The following SSH2 variants were observed in gnomAD, a reference collection of about 807,000 sequenced individuals.
The protein encoded by SSH2 is protein phosphatase Slingshot homolog 2.
Under a neutral mutation model 135.2 loss-of-function variants are expected in SSH2, and 37 were observed. The ratio of observed to expected loss-of-function variants is 0.27; its 90% CI spans 0.21 to 0.36. The LOEUF (loss-of-function observed/expected upper bound fraction) is 0.36. Ranked by LOEUF, SSH2 falls within the 10% of genes least tolerant of loss-of-function variation. The pLI is 1.00. For missense variants in SSH2, 1,408 were observed against 1,765.3 expected (o/e 0.80, Z 3.63); for synonymous variants, 628 against 646.2 (o/e 0.97, Z 0.43).
intron 2 of SSH2, among the ~76,000 whole-genome samples, chr17:29,806,918 G>C (rs568709537): frequency 6.6e-6 from 1 of 152,210 alleles, no homozygotes; most frequent in South Asian, 2.1e-4. Context: ...CTGGCATCTG[G>C]GTTTAGCACC....
intron 14 of SSH2, among the ~76,000 whole-genome samples, chr17:29,638,509 T>TAC (rs71138839): frequency 0.032 from 4,107 of 128,876 alleles, 67 homozygotes; most frequent in Admixed American, 0.048. Flanking sequence ...TTCTATATTT[T>TAC]ACACACACAC....
At chr17:29,734,203 G>A (rs893216340) in intron 3 of SSH2, among the ~76,000 whole-genome samples, 2 of 152,278 alleles carry the variant, frequency 1.3e-5, no homozygotes, top group South Asian at 4.1e-4. Flanking sequence ...TTATAGGCAT[G>A]AGCCACCGCA....
chr17:29,857,368 C>A (rs1005032405), intron 1 of SSH2, among the ~76,000 whole-genome samples: 1 of 152,160 alleles, frequency 6.6e-6, no homozygotes, highest in Non-Finnish European at 1.5e-5. Context: ...TATTCACTAT[C>A]ATGAGAACAG....
intron 1 of SSH2, among the ~76,000 whole-genome samples, chr17:29,913,347 A>AAAAAAAAAAAAAAAAAAATTATAT: frequency 3.5e-5 from 1 of 28,778 alleles, no homozygotes. Context: ...AAAAAAAAAA[A>AAAAAAAAAAAAAAAAAAATTATAT]ATATATATAT....
intron 3 of SSH2, among the ~76,000 whole-genome samples, chr17:29,721,826 C>T (rs141729265): frequency 2.6e-5 from 4 of 152,196 alleles, no homozygotes; most frequent in Non-Finnish European, 2.9e-5. Flanking sequence ...AAAAGGGAGA[C>T]GACCAGTTAC....
At chr17:29,741,509 G>C (rs1198227353) in intron 3 of SSH2, among the ~76,000 whole-genome samples, 3 of 151,918 alleles carry the variant, frequency 2.0e-5, no homozygotes, top group Non-Finnish European at 4.4e-5. Flanking sequence ...CAGTTAAAAG[G>C]ATATGAAAGA....
intron 1 of SSH2, among the ~76,000 whole-genome samples, chr17:29,902,777 G>A (rs924311140): frequency 6.6e-6 from 1 of 151,800 alleles, no homozygotes; most frequent in Admixed American, 6.6e-5. Flanking sequence ...AAAGGACATC[G>A]TAGAGGCATC....
At chr17:29,679,077 G>A (rs182734688) in intron 6 of SSH2, among the ~76,000 whole-genome samples, 17 of 152,210 alleles carry the variant, frequency 1.1e-4, no homozygotes, top group East Asian at 7.7e-4. Context: ...GAAGAGGTTC[G>A]TACAGAAAGC....
chr17:29,737,094 G>A (rs1441846834), intron 3 of SSH2, among the ~76,000 whole-genome samples: 9 of 65,672 alleles, frequency 1.4e-4, no homozygotes, highest in Non-Finnish European at 1.7e-4. Flanking sequence ...GCAAGACTCT[G>A]TCTCAAAAAA....
chr17:29,745,982 TA>T (rs1468915351), intron 3 of SSH2, among the ~76,000 whole-genome samples: 2 of 152,170 alleles, frequency 1.3e-5, no homozygotes, highest in African/African-American at 4.8e-5. Flanking sequence ...TGTGACCCAA[TA>T]AATCTTTTAA....
intron 1 of SSH2, among the ~76,000 whole-genome samples, chr17:29,922,313 C>T (rs1488500317): frequency 6.6e-6 from 1 of 152,038 alleles, no homozygotes; most frequent in African/African-American, 2.4e-5. Context: ...AAGAATAATA[C>T]AAACTGAATT....
intron 2 of SSH2, among the ~76,000 whole-genome samples, chr17:29,813,861 G>A (rs760917228): frequency 9.7e-4 from 147 of 151,516 alleles, no homozygotes; most frequent in Non-Finnish European, 1.8e-3. Flanking sequence ...GCTGGGCTTG[G>A]TGGCTCATGC....
At position 29,750,192 on chromosome 17, in the gene SSH2, C is replaced by T. The variant is rs567196523; in HGVS notation, c.188+43702G>A. ...GTGGCTCATGCCTGTAATCCCAGCACTTTGGGAGGCCAAGGTGGGTGGATC... is the reference window on the plus strand; with the variant it reads ...GTGGCTCATGCCTGTAATCCCAGCATTTTGGGAGGCCAAGGTGGGTGGATC... On this transcript the variant is annotated intron_variant, in intron 3 of 15. Coordinates refer to ENST00000540801, the MANE Select transcript of SSH2 (RefSeq NM_001282129.2). 9.9e-4 allele frequency among the ~76,000 whole-genome samples: 150 copies of T among 151,796 alleles called. 2 individuals carry two copies. In the Middle Eastern group the frequency reaches 0.01, roughly 10 times the overall value.
In SSH2 at chr17:29,631,444, A is replaced by C. The variant is rs2035665554; in HGVS notation, c.3750T>G (p.Ser1250Arg). 6.2e-7 allele frequency: 1 copy of C among 1,613,740 alleles called. No individual in the cohort carries two copies. The highest frequency in any genetic ancestry group is 8.5e-7 in the Non-Finnish European group (1 of 1,179,930). Reference protein sequence around the residue: ...PHSSSSENIKSLSHSPGVVKE... With the variant: ...PHSSSSENIKRLSHSPGVVKE... ...TCACCACACCGGGGCTGTGGCTGAG[A>C]CTCTTTATGTTTTCACTACTAGAGC... The change falls in exon 16 of 16, where the codon AGT (serine) becomes AGG (arginine). Residue 1250 changes from serine to arginine, a missense_variant. Around this residue, in one of 3 missense-constraint regions of SSH2, gnomAD observed 1,080 missense variants for 1,144.5 expected, o/e 0.94. Coordinates refer to ENST00000540801, the MANE Select transcript of SSH2 (RefSeq NM_001282129.2).
At position 29,636,949 on chromosome 17, in the gene SSH2, C is replaced by T. The variant is rs556709565; in HGVS notation, c.1428-147G>A. The T allele has an allele frequency of 2.8e-4, 176 of 622,580 alleles. No individual in the cohort carries two copies. In the African/African-American group the frequency reaches 2.8e-3, roughly 10 times the overall value. 38.6% of individuals were successfully genotyped at this position (622,580 alleles called of 1,614,324 possible). A position where few individuals can be genotyped will look rare whatever the true frequency, so the allele number is the denominator to read the frequency against. On this transcript the variant is annotated intron_variant, in intron 14 of 15. Transcript: ENST00000540801. ...ACTAGGCAATAAACGTTTGAAAAGA[C>T]AATTTAATAGCAAAAAACAAAGCAA...
chr17:29,733,519 T>C (rs2040266714), intron 3 of SSH2, among the ~76,000 whole-genome samples: 1 of 152,266 alleles, frequency 6.6e-6, no homozygotes, highest in African/African-American at 2.4e-5. Context: ...TTTTCTAATG[T>C]CACTAAAGAG....
At chr17:29,796,294 T>C (rs1391596923) in intron 2 of SSH2, among the ~76,000 whole-genome samples, 1 of 152,208 alleles carries the variant, frequency 6.6e-6, no homozygotes, top group African/African-American at 2.4e-5. Context: ...AATTGAAAGA[T>C]CTTATAGCGA....
intron 12 of SSH2, among the ~76,000 whole-genome samples, chr17:29,652,073 C>A (rs201663649): frequency 2.0e-5 from 3 of 152,074 alleles, no homozygotes; most frequent in Non-Finnish European, 4.4e-5. Flanking sequence ...ACCCGGGAGG[C>A]GGAGGTTGCA....
At chr17:29,704,681 C>T (rs546870610) in intron 3 of SSH2, among the ~76,000 whole-genome samples, 22 of 133,774 alleles carry the variant, frequency 1.6e-4, no homozygotes, top group Admixed American at 6.7e-4. Context: ...CCAGCTGGGG[C>T]GACAGAGCAA....
Sources: allele counts gnomAD v4.1 joint callset (sites outside exome capture counted in the v4.1 genomes callset), GRCh38; gene constraint gnomAD v4.1.1; regional missense constraint gnomAD v4.1.1; transcripts MANE v1.5; gene names NCBI Gene and HGNC (gene_info 2026-07-23, HGNC 2026-07-21).